Variants in CCDC148 observed in about 807,000 individuals in gnomAD.
CCDC148 encodes the protein coiled-coil domain-containing protein 148.
Under a neutral mutation model 85.7 loss-of-function variants are expected in CCDC148, and 89 were observed. The ratio of observed to expected loss-of-function variants is 1.04; its 90% CI spans 0.87 to 1.24. CCDC148 has a LOEUF of 1.24. CCDC148 is among the 50% of genes most tolerant of loss of function. The probability of loss-of-function intolerance (pLI) is 0.00; values close to 1 mark genes in which losing one functional copy is unlikely to be tolerated. For missense variants in CCDC148, 692 were observed against 671.7 expected, an observed-to-expected ratio of 1.03 and a Z score of -0.33; for synonymous variants, 230 against 213.9, an observed-to-expected ratio of 1.08 and a Z score of -0.66.
At chr2:158,224,311 T>A (rs948470332) in intron 10 of CCDC148, among the ~76,000 whole-genome samples, 5 of 152,184 alleles carry the variant, frequency 3.3e-5, no homozygotes, top group African/African-American at 1.2e-4. Context: ...AATATGGGAC[T>A]ATGTGAAAAG....
chr2:158,388,578 T>C (rs1685183415), intron 1 of CCDC148, among the ~76,000 whole-genome samples: 1 of 152,152 alleles, frequency 6.6e-6, no homozygotes, highest in South Asian at 2.1e-4. Context: ...CACTGCAACC[T>C]CCACCTCCTG....
chr2:158,386,997 A>G (rs1314424210), intron 1 of CCDC148, among the ~76,000 whole-genome samples: 1 of 152,172 alleles, frequency 6.6e-6, no homozygotes, highest in South Asian at 2.1e-4. Flanking sequence ...TGCAGGGACA[A>G]AAATGGGACT....
Position 158,251,462 on chromosome 2 carries a change from G to A in CCDC148, c.1111-550C>T, listed in dbSNP as rs1381814413. Among the ~76,000 whole-genome samples the A allele has an allele frequency of 2.0e-5, 3 of 151,724 alleles. No individual in the cohort carries two copies. In the East Asian group the frequency reaches 5.8e-4, roughly 29 times the overall value. ...CTACAGCCTTTCTATTGGGTATTAG[G>A]TAATATGTAAATATGCGTCACAATA... On this transcript the variant is annotated intron_variant, in intron 9 of 13. Transcript: ENST00000283233.
intron 2 of CCDC148, among the ~76,000 whole-genome samples, chr2:158,352,656 G>T (rs1683383616): frequency 6.6e-6 from 1 of 152,138 alleles, no homozygotes; most frequent in Admixed American, 6.5e-5. Flanking sequence ...CAGTCTTCAG[G>T]ATATTATCCA....
chr2:158,398,533 T>C (rs1300245079), intron 1 of CCDC148, among the ~76,000 whole-genome samples: 1 of 152,024 alleles, frequency 6.6e-6, no homozygotes, highest in East Asian at 1.9e-4. Context: ...GACTACTGGG[T>C]AAATAACAAA....
intron 9 of CCDC148, among the ~76,000 whole-genome samples, chr2:158,301,058 T>C (rs1376136591): frequency 6.6e-6 from 1 of 152,122 alleles, no homozygotes; most frequent in Admixed American, 6.5e-5. Flanking sequence ...AGGGTCTTGC[T>C]ATGTTGCCCA....
At chr2:158,361,730 G>T (rs569802500) in intron 1 of CCDC148, among the ~76,000 whole-genome samples, 1 of 152,266 alleles carries the variant, frequency 6.6e-6, no homozygotes, top group East Asian at 1.9e-4. Flanking sequence ...GTAGCAAATT[G>T]TAAAGACCAT....
chr2:158,188,695 T>C (rs963733123), intron 11 of CCDC148, among the ~76,000 whole-genome samples: 3 of 151,966 alleles, frequency 2.0e-5, no homozygotes, highest in South Asian at 2.1e-4. Flanking sequence ...AAAGCATTTA[T>C]GACTAAGTCT....
chr2:158,353,139 C>T (rs974755623), intron 2 of CCDC148, among the ~76,000 whole-genome samples: 11 of 149,364 alleles, frequency 7.4e-5, no homozygotes, highest in Non-Finnish European at 1.6e-4. Flanking sequence ...AATGTAAAGA[C>T]CATCGAGACT....
chr2:158,332,376 G>T lies in CCDC148; in HGVS notation c.764+6350C>A, dbSNP rs185414013. Among the ~76,000 whole-genome samples the T allele has an allele frequency of 7.7e-4, 116 of 150,072 alleles. 1 individual carries two copies. Among genetic ancestry groups the T allele is most frequent in the African/African-American group, 2.7e-3 (108 of 40,358 alleles). Reference sequence around the variant, plus strand: ...TTGGAGAGTTTCTGCCGAGAGATCAGCTGTTATTCTCATGGGCTTCCCCTT... The same window carrying T: ...TTGGAGAGTTTCTGCCGAGAGATCATCTGTTATTCTCATGGGCTTCCCCTT... On this transcript the variant is annotated intron_variant, in intron 7 of 13. Transcript: ENST00000283233.
intron 1 of CCDC148, among the ~76,000 whole-genome samples, chr2:158,413,687 G>A (rs1473272394): frequency 2.0e-5 from 3 of 150,564 alleles, no homozygotes; most frequent in Non-Finnish European, 4.4e-5. Flanking sequence ...TTTCTACTTT[G>A]CTTGTCATTC....
chr2:158,186,220 C>A (rs1210123929), intron 11 of CCDC148, among the ~76,000 whole-genome samples: 1 of 152,086 alleles, frequency 6.6e-6, no homozygotes, highest in Admixed American at 6.6e-5. Flanking sequence ...AATATTTACT[C>A]AACTCTGCCC....
At chr2:158,288,702 T>C in intron 9 of CCDC148, 1 of 370,452 alleles carries the variant, frequency 2.7e-6, no homozygotes, top group Non-Finnish European at 5.3e-6. Flanking sequence ...TTCCACACTG[T>C]TCCAACCTCT....
intron 1 of CCDC148, among the ~76,000 whole-genome samples, chr2:158,429,792 G>A (rs561266853): frequency 6.6e-6 from 1 of 152,128 alleles, no homozygotes; most frequent in African/African-American, 2.4e-5. Context: ...TTGGATAACA[G>A]GCAAAACATG....
chr2:158,389,219 C>T (rs954177138), intron 1 of CCDC148, among the ~76,000 whole-genome samples: 7 of 152,126 alleles, frequency 4.6e-5, no homozygotes, highest in Non-Finnish European at 5.9e-5. Flanking sequence ...ATGAGAAACA[C>T]GTTTGTATAA....
chr2:158,221,835 G>A (rs1574430741), intron 10 of CCDC148, among the ~76,000 whole-genome samples: 1 of 152,054 alleles, frequency 6.6e-6, no homozygotes, highest in African/African-American at 2.4e-5. Flanking sequence ...ACAGAGCTCT[G>A]GATTTAGAGA....
intron 1 of CCDC148, among the ~76,000 whole-genome samples, chr2:158,406,294 T>C (rs934839159): frequency 2.0e-5 from 3 of 152,164 alleles, no homozygotes; most frequent in Non-Finnish European, 4.4e-5. Flanking sequence ...TCAGTTCTTT[T>C]TAACAGGGTT....
chr2:158,386,576 A>AT (rs1052124866), intron 1 of CCDC148, among the ~76,000 whole-genome samples: 1 of 152,068 alleles, frequency 6.6e-6, no homozygotes, highest in Non-Finnish European at 1.5e-5. Context: ...AGCTTGAATA[A>AT]TTTTTTTCCC....
chr2:158,295,009 A>C (rs879943436), intron 9 of CCDC148, among the ~76,000 whole-genome samples: 47 of 152,008 alleles, frequency 3.1e-4, no homozygotes, highest in Non-Finnish European at 5.0e-4. Context: ...TTTTCTACTA[A>C]TTAGTGGTAT....
Sources: allele counts gnomAD v4.1 joint callset (sites outside exome capture counted in the v4.1 genomes callset), GRCh38; gene constraint gnomAD v4.1.1; transcripts MANE v1.5; gene names NCBI Gene and HGNC (gene_info 2026-07-23, HGNC 2026-07-21).